The following TERF1 variants were observed in gnomAD, a reference collection of about 807,000 sequenced individuals.
TERF1 encodes the protein telomeric repeat-binding factor 1.
In TERF1, 20 loss-of-function variants were observed where a neutral mutation model predicts 55.1. The ratio of observed to expected loss-of-function variants is 0.36; its 90% CI spans 0.26 to 0.53. The LOEUF (loss-of-function observed/expected upper bound fraction) is 0.53, where lower values mean the gene tolerates loss of function less well. TERF1 is among the 20% of genes least tolerant of loss of function. The probability of loss-of-function intolerance (pLI) is 0.91; values close to 1 mark genes in which losing one functional copy is unlikely to be tolerated. For synonymous variants in TERF1, 168 were observed against 181.2 expected (o/e 0.93, Z 0.59); for missense variants, 439 against 535.7 (o/e 0.82, Z 1.78).
Position 73,013,956 on chromosome 8 carries a change from G to A in TERF1, c.381G>A (p.Gln127=). The A allele has an allele frequency of 1.9e-6, 3 of 1,610,942 alleles. No homozygotes were observed. In the African/African-American group the frequency reaches 4.0e-5, roughly 22 times the overall value. The change falls in exon 2 of 10, where the codon CAG becomes CAA. Residue 127 remains glutamine (Q), a synonymous_variant. Transcript: ENST00000276603. Reference sequence around the variant, plus strand: ...AGTTGAGAACGATATACATATGTCAGTTTTTGACAAGAATTGCAGCAGGAA... The same window carrying A: ...AGTTGAGAACGATATACATATGTCAATTTTTGACAAGAATTGCAGCAGGAA... The part of the protein sequence containing the change: ...ACQLRTIYIC[Q]FLTRIAAGKT...
intron 4 of TERF1, among the ~76,000 whole-genome samples, chr8:73,023,326 T>C (rs1808850918): frequency 6.6e-6 from 1 of 152,176 alleles, no homozygotes; most frequent in South Asian, 2.1e-4. Context: ...TTCAGGCAAA[T>C]ATGTAGTGCT....
rs1023057523 is a variant in TERF1 at position 73,017,851 on chromosome 8, C to T, written c.416-2833C>T. On this transcript the variant is annotated intron_variant, in intron 2 of 9. Transcript: ENST00000276603. ...ATGAGTAGCTGGGACTACAGGCGTG[C>T]GCCACCATGCCTGACTAATTTTTCT... is the stretch of plus-strand genomic sequence containing the variant. 7.9e-5 allele frequency among the ~76,000 whole-genome samples: 12 copies of T among 151,986 alleles called. No homozygotes were observed. The East Asian group carries it at 1.7e-3, about 22-fold the overall frequency.
At chr8:73,016,389 T>C (rs762114222) in intron 2 of TERF1, among the ~76,000 whole-genome samples, 3 of 151,960 alleles carry the variant, frequency 2.0e-5, no homozygotes, top group Non-Finnish European at 4.4e-5. Flanking sequence ...ATACAGCAGA[T>C]ATCTTAAAGG....
chr8:73,025,056 A>AC, intron 5 of TERF1, 85 bp downstream of exon 5: 1 of 860,296 alleles, frequency 1.2e-6, no homozygotes. Context: ...GAAATCCTTT[A>AC]AAATTAATCA....
At chr8:73,027,593 G>A (rs930489660) in intron 6 of TERF1, among the ~76,000 whole-genome samples, 8 of 152,056 alleles carry the variant, frequency 5.3e-5, no homozygotes, top group African/African-American at 1.4e-4. Context: ...GGTGATTGTT[G>A]TCTTTTGTTT....
At chr8:73,042,654 C>G (rs1176433506) in intron 9 of TERF1, among the ~76,000 whole-genome samples, 2 of 152,092 alleles carry the variant, frequency 1.3e-5, no homozygotes, top group Non-Finnish European at 2.9e-5. Flanking sequence ...ATGAGAAATA[C>G]TGTAGCAGTA....
At chr8:73,024,375 T>TA (rs1177620062) in intron 4 of TERF1, among the ~76,000 whole-genome samples, 2 of 152,224 alleles carry the variant, frequency 1.3e-5, no homozygotes, top group East Asian at 3.8e-4. Flanking sequence ...TTTGTAGAGT[T>TA]AAAACCATGC....
chr8:73,041,785 T>TG (rs369570917), intron 9 of TERF1, among the ~76,000 whole-genome samples: 5 of 152,134 alleles, frequency 3.3e-5, no homozygotes, highest in African/African-American at 9.6e-5. Context: ...CCCTGAGACC[T>TG]GGGGGGGCTC....
intron 8 of TERF1, among the ~76,000 whole-genome samples, chr8:73,035,867 G>A (rs1809486070): frequency 6.6e-6 from 1 of 152,106 alleles, no homozygotes; most frequent in African/African-American, 2.4e-5. Context: ...AGAGTATCTT[G>A]ACTATTCTGG....
Position 73,008,905 on chromosome 8 carries a change from T to G in TERF1, c.19T>G (p.Ser7Ala). The change falls in exon 1 of 10, where the codon TCA becomes GCA. Residue 7 changes from serine (S) to alanine (A), a missense_variant. Ser to Ala is a moderately conservative substitution (Grantham distance 99, BLOSUM62 1). Around this residue, in one of 4 missense-constraint regions of TERF1, gnomAD observed 179 missense variants for 152.6 expected, o/e 1.17. Coordinates refer to ENST00000276603, the MANE Select transcript of TERF1 (RefSeq NM_017489.3). MAEDVSSAAPSPRGCAD... is the reference protein window; with the variant it reads MAEDVSAAAPSPRGCAD... ...ATTTAACATGGCGGAGGATGTTTCC[T>G]CAGCGGCCCCGAGCCCGCGGGGCTG... 1 of 1,608,424 alleles carries G rather than the reference T, an allele frequency of 6.2e-7. No homozygotes were observed. Among genetic ancestry groups the G allele is most frequent in the Non-Finnish European group, 8.5e-7 (1 of 1,177,832 alleles).
Position 73,027,070 on chromosome 8 carries a change from T to C in TERF1, c.887+18T>C, listed in dbSNP as rs750220064. 1.1e-5 allele frequency: 17 copies of C among 1,558,970 alleles called. 1 individual carries two copies. In the Admixed American group the frequency reaches 1.8e-4, roughly 17 times the overall value. On this transcript the variant is annotated intron_variant, in intron 6 of 9. Transcript: ENST00000276603. ...AGAAAAAGGTTTGTAATTTAATCAA[T>C]TTGTATATTTTTTGTTTTATGAATG...
chr8:73,011,888 T>C (rs1808296026), intron 1 of TERF1: 1 of 152,238 alleles, frequency 6.6e-6, no homozygotes, highest in African/African-American at 2.4e-5. Flanking sequence ...TTTCTTATCA[T>C]TTATGTGTTC....
rs149355463 is a variant in TERF1 at position 73,013,358 on chromosome 8, C to T, written c.320-537C>T. 4.1e-4 allele frequency among the ~76,000 whole-genome samples: 63 copies of T among 152,246 alleles called. No homozygotes were observed. The East Asian group carries it at 0.011, about 27-fold the overall frequency. On this transcript the variant is annotated intron_variant, in intron 1 of 9. Coordinates refer to ENST00000276603, the MANE Select transcript of TERF1 (RefSeq NM_017489.3). ...TCACAACATTTTTACTTCAGTAGTT[C>T]AATCGCTTGTCTCATTGCTACATGG...
intron 1 of TERF1, chr8:73,012,767 T>C (rs1808336538): frequency 3.3e-6 from 1 of 307,036 alleles, no homozygotes; most frequent in South Asian, 2.7e-5. Context: ...CACAATAAAA[T>C]GAGGTATGTC....
At chr8:73,030,488 C>G in intron 7 of TERF1, 93 bp downstream of exon 7, 1 of 761,746 alleles carries the variant, frequency 1.3e-6, no homozygotes, top group Non-Finnish European at 1.9e-6. Context: ...ATAAATGGTA[C>G]AATTGAAAGA....
intron 1 of TERF1, chr8:73,013,602 A>G (rs1181931052): frequency 1.6e-5 from 4 of 244,576 alleles, no homozygotes; most frequent in Non-Finnish European, 3.1e-5. Flanking sequence ...TTTCCAACCA[A>G]TGATTTTACA....
intron 6 of TERF1, 91 bp downstream of exon 6, chr8:73,027,143 T>C (rs1412276665): frequency 1.1e-6 from 1 of 884,770 alleles, no homozygotes; most frequent in Admixed American, 2.7e-5. Flanking sequence ...AAAATAATTA[T>C]TGAGTAGCAT....
At chr8:73,014,116 G>GGGT in intron 2 of TERF1, 126 bp downstream of exon 2, 1 of 693,700 alleles carries the variant, frequency 1.4e-6, no homozygotes, top group East Asian at 2.7e-5. Context: ...GGGTGTGGGG[G>GGGT]GGTGGTGTGT....
intron 4 of TERF1, 119 bp from the exon 5 acceptor site, chr8:73,024,702 AT>A: frequency 1.4e-6 from 1 of 730,728 alleles, no homozygotes; most frequent in African/African-American, 2.1e-5. Flanking sequence ...AATTTTAAAA[AT>A]ATCTGTGTCT....
Sources: gnomAD v4.1 joint callset for allele counts (sites outside exome capture counted in the v4.1 genomes callset) on GRCh38, gnomAD v4.1.1 for gene constraint, gnomAD v4.1.1 regional missense constraint, MANE v1.5 for transcripts, NCBI Gene and HGNC (gene_info 2026-07-23, HGNC 2026-07-21) for gene names.